FBXL20: variants seen among roughly 807,000 people sequenced by gnomAD.
The protein encoded by FBXL20 is F-box/LRR-repeat protein 20.
A neutral mutation model predicts 64.0 loss-of-function variants in FBXL20; 11 were observed. The observed-to-expected ratio is 0.17, with a 90% confidence interval of 0.11 to 0.28. The LOEUF is 0.28. Ranked by LOEUF, FBXL20 falls within the 10% of genes least tolerant of loss-of-function variation. The pLI, the probability that FBXL20 is intolerant of heterozygous loss-of-function variation, is 1.00. For synonymous variants in FBXL20, 184 were observed against 189.0 expected (o/e 0.97, Z 0.22); for missense variants, 303 against 526.2 (o/e 0.58, Z 4.15).
intron 2 of FBXL20, among the ~76,000 whole-genome samples, chr17:39,339,968 T>C (rs552457268): frequency 6.6e-6 from 1 of 151,062 alleles, no homozygotes; most frequent in African/African-American, 2.4e-5. Flanking sequence ...AAATGCAGTC[T>C]CGCTTTGTCG....
chr17:39,373,683 C>T (rs557072894), intron 1 of FBXL20, among the ~76,000 whole-genome samples: 33 of 152,252 alleles, frequency 2.2e-4, no homozygotes, highest in Admixed American at 3.9e-4. Flanking sequence ...AGTTCTGTTA[C>T]AAAGCTTCAA....
At chr17:39,356,758 C>T (rs976575622) in intron 1 of FBXL20, among the ~76,000 whole-genome samples, 1 of 151,840 alleles carries the variant, frequency 6.6e-6, no homozygotes, top group African/African-American at 2.4e-5. Context: ...CAGGCTCAAG[C>T]AATTCTACCA....
chr17:39,365,150 A>C (rs2047846995), intron 1 of FBXL20, among the ~76,000 whole-genome samples: 1 of 152,352 alleles, frequency 6.6e-6, no homozygotes, highest in East Asian at 1.9e-4. Context: ...TTTTCATTAA[A>C]AAAAATCCAG....
intron 1 of FBXL20, among the ~76,000 whole-genome samples, chr17:39,368,984 G>A (rs1489320882): frequency 6.6e-6 from 1 of 152,074 alleles, no homozygotes; most frequent in Non-Finnish European, 1.5e-5. Context: ...AAAAATAACT[G>A]AAGTTTCTCA....
intron 12 of FBXL20, among the ~76,000 whole-genome samples, chr17:39,267,566 G>A (rs1046695084): frequency 6.6e-6 from 1 of 152,290 alleles, no homozygotes; most frequent in African/African-American, 2.4e-5. Flanking sequence ...ACTCAGTATC[G>A]ATAACTTGGG....
chr17:39,362,358 A>G (rs1401066675), intron 1 of FBXL20, among the ~76,000 whole-genome samples: 3 of 152,244 alleles, frequency 2.0e-5, no homozygotes, highest in South Asian at 4.1e-4. Context: ...CCAGCACTTT[A>G]GAAGGCTGAG....
intron 2 of FBXL20, among the ~76,000 whole-genome samples, chr17:39,322,567 T>TGAG (rs2144516863): frequency 6.6e-6 from 1 of 152,296 alleles, no homozygotes; most frequent in South Asian, 2.1e-4. Context: ...GAGTAGTTGA[T>TGAG]TACAAATTCT....
chr17:39,401,557 G>T lies in FBXL20; in HGVS notation c.-155C>A. Reference sequence around the variant, plus strand: ...GGGAACAAGAGACCTCTCGGCTCCGGCTAGGCCTCCACCACCTCCCGCGGC... The same window carrying T: ...GGGAACAAGAGACCTCTCGGCTCCGTCTAGGCCTCCACCACCTCCCGCGGC... On this transcript the variant is annotated 5_prime_UTR_variant, in exon 1 of 15. Transcript: ENST00000264658. 7.0e-7 allele frequency: 1 copy of T among 1,418,816 alleles called. No homozygotes were observed. The allele number at this position is 1,418,816 out of a possible 1,614,324, so 87.9% of individuals were successfully genotyped here.
intron 2 of FBXL20, among the ~76,000 whole-genome samples, chr17:39,329,234 G>A (rs752937063): frequency 2.0e-5 from 3 of 152,158 alleles, no homozygotes; most frequent in African/African-American, 4.8e-5. Context: ...GATACAGTTA[G>A]AAGGATACTA....
chr17:39,400,629 G>C (rs981708590), intron 1 of FBXL20, among the ~76,000 whole-genome samples: 1 of 152,104 alleles, frequency 6.6e-6, no homozygotes, highest in Non-Finnish European at 1.5e-5. Flanking sequence ...ACTCTCTAAA[G>C]ACGCTTTCAA....
At chr17:39,319,040 G>C (rs1055539233) in intron 2 of FBXL20, among the ~76,000 whole-genome samples, 8 of 151,996 alleles carry the variant, frequency 5.3e-5, no homozygotes, top group Non-Finnish European at 1.0e-4. Flanking sequence ...CACGTGGTCA[G>C]GAGATTGAGA....
intron 2 of FBXL20, among the ~76,000 whole-genome samples, chr17:39,318,225 A>G (rs999528086): frequency 1.3e-5 from 2 of 152,276 alleles, no homozygotes; most frequent in Admixed American, 1.3e-4. Flanking sequence ...CATGAGAAAG[A>G]GTAGATTTTA....
At chr17:39,388,212 T>G (rs1394459583) in intron 1 of FBXL20, among the ~76,000 whole-genome samples, 1 of 152,092 alleles carries the variant, frequency 6.6e-6, no homozygotes, top group Admixed American at 6.6e-5. Context: ...ATCCCAGCAC[T>G]TTGGGAGACC....
chr17:39,337,544 G>A (rs1358067058), intron 2 of FBXL20, among the ~76,000 whole-genome samples: 23 of 146,140 alleles, frequency 1.6e-4, no homozygotes, highest in South Asian at 2.2e-4. Context: ...TGTGGGGAGC[G>A]CCTCTGCCCC....
rs528564446 is a variant in FBXL20, at chr17:39,359,396, G to A, written c.43-16155C>T. Reference sequence around the variant, plus strand: ...TCCCAGCACTTTGGGAGGCCAAGGCGGGCAGATCATGATGTCAGGAGTTCA... The same window carrying A: ...TCCCAGCACTTTGGGAGGCCAAGGCAGGCAGATCATGATGTCAGGAGTTCA... On this transcript the variant is annotated intron_variant, in intron 1 of 14. Transcript: ENST00000264658. Among the ~76,000 whole-genome samples, 10 of 152,200 alleles carry A rather than the reference G, an allele frequency of 6.6e-5. No homozygotes were observed. The East Asian group carries it at 7.7e-4, about 12-fold the overall frequency.
chr17:39,290,213 C>T (rs1351261158), intron 6 of FBXL20, among the ~76,000 whole-genome samples: 1 of 151,244 alleles, frequency 6.6e-6, no homozygotes, highest in Non-Finnish European at 1.5e-5. Flanking sequence ...ACTTCATTTT[C>T]CAATTGCTGA....
intron 1 of FBXL20, among the ~76,000 whole-genome samples, chr17:39,363,229 G>C (rs1439922774): frequency 6.6e-6 from 1 of 150,656 alleles, no homozygotes; most frequent in Non-Finnish European, 1.5e-5. Flanking sequence ...GGTCAGGCTG[G>C]TCTTGAACTC....
At chr17:39,280,350 C>G (rs533060442) in intron 9 of FBXL20, among the ~76,000 whole-genome samples, 1 of 146,230 alleles carries the variant, frequency 6.8e-6, no homozygotes, top group Non-Finnish European at 1.5e-5. Context: ...TGCAGTGAGC[C>G]GAGATAGCGT....
At chr17:39,376,830 G>GT (rs1027693143) in intron 1 of FBXL20, among the ~76,000 whole-genome samples, 3 of 152,090 alleles carry the variant, frequency 2.0e-5, no homozygotes, top group Non-Finnish European at 4.4e-5. Context: ...GTGATACCCT[G>GT]TCTCTACAAA....
Sources: gnomAD v4.1 joint callset for allele counts (sites outside exome capture counted in the v4.1 genomes callset) on GRCh38, gnomAD v4.1.1 for gene constraint, MANE v1.5 for transcripts, NCBI Gene and HGNC (gene_info 2026-07-23, HGNC 2026-07-21) for gene names.